Variants in RUNX1 observed in about 807,000 individuals in gnomAD.
RUNX1 encodes the protein runt-related transcription factor 1.
Under a neutral mutation model 42.8 loss-of-function variants are expected in RUNX1, and 19 were observed. The observed-to-expected ratio is 0.44, with a 90% CI of 0.31 to 0.65. The LOEUF is 0.65. RUNX1 is among the 30% of genes least tolerant of loss of function. The probability of loss-of-function intolerance (pLI) is 0.07; values close to 1 mark genes in which losing one functional copy is unlikely to be tolerated. For synonymous variants in RUNX1, 271 were observed against 289.4 expected (o/e 0.94, Z 0.64); for missense variants, 528 against 672.0 (o/e 0.79, Z 2.37).
intron 7 of RUNX1, among the ~76,000 whole-genome samples, chr21:34,824,137 C>G (rs554657308): frequency 5.1e-4 from 77 of 152,284 alleles, no homozygotes; most frequent in African/African-American, 1.8e-3. Flanking sequence ...TTCAGTCAAG[C>G]ATTTAGTGCC....
intron 7 of RUNX1, among the ~76,000 whole-genome samples, chr21:34,807,091 A>G (rs2056690163): frequency 6.6e-6 from 1 of 152,054 alleles, no homozygotes; most frequent in South Asian, 2.1e-4. Context: ...CAAGCAGAAG[A>G]GAAGAAATAA....
chr21:34,865,500 G>A (rs1462654124), intron 5 of RUNX1, among the ~76,000 whole-genome samples: 1 of 144,006 alleles, frequency 6.9e-6, no homozygotes, highest in African/African-American at 2.5e-5. Flanking sequence ...CTCCCTCGAC[G>A]CCAGTGTGTC....
chr21:34,886,458 T>G (rs2057988910), intron 4 of RUNX1, among the ~76,000 whole-genome samples: 1 of 152,208 alleles, frequency 6.6e-6, no homozygotes, highest in African/African-American at 2.4e-5. Flanking sequence ...GACAAAATGG[T>G]TTGGGTGTTA....
chr21:34,839,673 A>T (rs903252578), intron 6 of RUNX1, among the ~76,000 whole-genome samples: 3 of 152,126 alleles, frequency 2.0e-5, no homozygotes, highest in Non-Finnish European at 4.4e-5. Context: ...TTACCTGGGC[A>T]TTCTAGTTTG....
chr21:34,958,763 C>A (rs1031326555), intron 2 of RUNX1, among the ~76,000 whole-genome samples: 15 of 150,950 alleles, frequency 9.9e-5, no homozygotes, highest in Admixed American at 9.3e-4. Context: ...ATGTTTATTG[C>A]GGCACTATTC....
chr21:34,853,917 A>G (rs1252269261), intron 6 of RUNX1, among the ~76,000 whole-genome samples: 2 of 150,812 alleles, frequency 1.3e-5, no homozygotes, highest in Non-Finnish European at 1.5e-5. Flanking sequence ...GGTTCAACCG[A>G]TTCTCCTGCC....
At chr21:34,839,244 C>A (rs565431815) in intron 6 of RUNX1, among the ~76,000 whole-genome samples, 2 of 151,280 alleles carry the variant, frequency 1.3e-5, no homozygotes, top group Non-Finnish European at 2.9e-5. Context: ...CAACACCCAC[C>A]GACACACACA....
intron 6 of RUNX1, among the ~76,000 whole-genome samples, chr21:34,848,972 G>C (rs1258830628): frequency 6.6e-6 from 1 of 151,760 alleles, no homozygotes; most frequent in African/African-American, 2.4e-5. Flanking sequence ...TAAATAATCA[G>C]AATATGACTT....
chr21:34,931,339 T>A (rs904853440), intron 2 of RUNX1, among the ~76,000 whole-genome samples: 1 of 144,730 alleles, frequency 6.9e-6, no homozygotes, highest in Non-Finnish European at 1.5e-5. Context: ...TACACATTTA[T>A]ATATATATAT....
At chr21:34,966,048 TG>T (rs72173808) in intron 2 of RUNX1, among the ~76,000 whole-genome samples, 13,746 of 152,208 alleles carry the variant, frequency 0.09, 942 homozygotes, top group African/African-American at 0.18. Flanking sequence ...AAAGGCACAT[TG>T]GTGAGGTCTC....
chr21:35,027,831 A>G (rs2059247916), intron 2 of RUNX1, among the ~76,000 whole-genome samples: 1 of 152,220 alleles, frequency 6.6e-6, no homozygotes, highest in South Asian at 2.1e-4. Flanking sequence ...CAGAAGTTGA[A>G]TGGTTTTGTG....
intron 2 of RUNX1, among the ~76,000 whole-genome samples, chr21:34,941,611 C>G (rs138335740): frequency 8.1e-4 from 123 of 152,256 alleles, no homozygotes; most frequent in African/African-American, 2.8e-3. Flanking sequence ...TGTTAAGACT[C>G]TTACTAAAGA....
At position 35,034,398 on chromosome 21, in the gene RUNX1, G is replaced by C. The variant is rs1052954334; in HGVS notation, c.58+14444C>G. Among the ~76,000 whole-genome samples the C allele has an allele frequency of 3.3e-5, 5 of 152,168 alleles. No homozygotes were observed. In the East Asian group the frequency reaches 9.6e-4, roughly 29 times the overall value. On this transcript the variant is annotated intron_variant, in intron 2 of 8. Transcript: ENST00000675419. ...CTGTAGCCAGCATTAGTAGGCTGGG[G>C]TGGGGTAGAGGTCAAATTAGGTGTG... is the stretch of plus-strand genomic sequence containing the variant.
chr21:34,865,455 G>A (rs1289861561), intron 5 of RUNX1, among the ~76,000 whole-genome samples: 2 of 152,166 alleles, frequency 1.3e-5, no homozygotes, highest in Admixed American at 1.3e-4. Flanking sequence ...ATGTAAACAA[G>A]CCAGGCCAGT....
At chr21:34,960,988 T>TTGTAAGATAA (rs2058678036) in intron 2 of RUNX1, among the ~76,000 whole-genome samples, 3 of 152,184 alleles carry the variant, frequency 2.0e-5, no homozygotes, top group Non-Finnish European at 4.4e-5. Context: ...GATAAAATAG[T>TTGTAAGATAA]CTTGTAGCAT....
chr21:34,865,258 G>A (rs920951259), intron 5 of RUNX1, among the ~76,000 whole-genome samples: 3 of 150,876 alleles, frequency 2.0e-5, no homozygotes, highest in African/African-American at 7.3e-5. Context: ...ACTGACGTCT[G>A]ACATGAGGAG....
intron 6 of RUNX1, among the ~76,000 whole-genome samples, chr21:34,846,570 T>G (rs545953991): frequency 2.0e-5 from 3 of 150,578 alleles, no homozygotes; most frequent in Admixed American, 1.3e-4. Flanking sequence ...TCTGAGGGTC[T>G]AAGAGGAGAC....
intron 2 of RUNX1, among the ~76,000 whole-genome samples, chr21:34,989,000 C>A (rs921387855): frequency 6.7e-6 from 1 of 148,828 alleles, no homozygotes; most frequent in Admixed American, 6.6e-5. Flanking sequence ...CCAGATCTCT[C>A]TCTCTCTCTC....
At position 34,791,962 on chromosome 21, in the gene RUNX1, G is replaced by A; in HGVS notation, c.*173C>T. The A allele has an allele frequency of 4.8e-6, 2 of 412,698 alleles. No individual in the cohort carries two copies. The highest frequency in any genetic ancestry group is 4.4e-6 in the Non-Finnish European group (1 of 225,894). 25.6% of individuals were successfully genotyped at this position (412,698 alleles called of 1,614,324 possible). On this transcript the variant is annotated 3_prime_UTR_variant, in exon 9 of 9. Transcript: ENST00000675419. ...GCGGCGTGGGCTTCTGGGCGCAGGA[G>A]GCTGCGCGGGCCTGACCTACAGCGA...
Sources: gnomAD v4.1 joint callset for allele counts (sites outside exome capture counted in the v4.1 genomes callset) on GRCh38, gnomAD v4.1.1 for gene constraint, MANE v1.5 for transcripts, NCBI Gene and HGNC (gene_info 2026-07-23, HGNC 2026-07-21) for gene names.